Variants in APBA1 observed in about 807,000 individuals in gnomAD.
The protein encoded by APBA1 is amyloid beta precursor protein binding family A member 1, also known as amyloid-beta A4 precursor protein-binding family A member 1.
In APBA1, 55 loss-of-function variants were observed where a neutral mutation model predicts 86.6. The observed-to-expected ratio is 0.64, with a 90% CI of 0.51 to 0.80. The LOEUF (loss-of-function observed/expected upper bound fraction) is 0.80, where lower values mean the gene tolerates loss of function less well. APBA1 is among the 30% of genes least tolerant of loss of function. The pLI is 0.00. For missense variants in APBA1, 1,090 were observed against 1,183.0 expected, an observed-to-expected ratio of 0.92 and a Z score of 1.15; for synonymous variants, 511 against 493.9, an observed-to-expected ratio of 1.03 and a Z score of -0.46.
chr9:69,491,764 A>ATTTTT (rs151248069), intron 2 of APBA1, among the ~76,000 whole-genome samples: 1 of 132,420 alleles, frequency 7.6e-6, no homozygotes, highest in African/African-American at 2.8e-5. Flanking sequence ...TATCCCTTGA[A>ATTTTT]TTTTTTTTTT....
chr9:69,453,582 G>A (rs375008186), intron 8 of APBA1, among the ~76,000 whole-genome samples: 10 of 152,326 alleles, frequency 6.6e-5, no homozygotes, highest in South Asian at 2.1e-4. Context: ...TCTGCATATC[G>A]ATTCTATGAC....
intron 1 of APBA1, among the ~76,000 whole-genome samples, chr9:69,555,185 G>A (rs1406928814): frequency 6.6e-6 from 1 of 152,110 alleles, no homozygotes; most frequent in Non-Finnish European, 1.5e-5. Flanking sequence ...TAACATTTGT[G>A]CAATCATTTT....
In APBA1 at chr9:69,636,822, AGAGAGAGAGG is replaced by A. The variant is rs1291183821; in HGVS notation, c.-70+35321_-70+35330del. ...AAAAAGAAGAGAGAGAGAGAGAGAG[AGAGAGAGAGG>A]GAGGGAGGGAGGGAGGGAGGGAGGG... On this transcript the variant is annotated intron_variant, in intron 1 of 12. Transcript: ENST00000265381. Among the ~76,000 whole-genome samples the A allele has an allele frequency of 2.2e-3, 63 of 28,776 alleles. 4 individuals carry two copies. The highest frequency in any genetic ancestry group is 6.6e-3 in the African/African-American group (54 of 8,140). 18.9% of individuals were successfully genotyped at this position (28,776 alleles called of 152,430 possible). A position where few individuals can be genotyped will look rare whatever the true frequency, so the allele number is the denominator to read the frequency against.
chr9:69,665,730 G>A (rs376509498), intron 1 of APBA1, among the ~76,000 whole-genome samples: 1 of 152,172 alleles, frequency 6.6e-6, no homozygotes, highest in Admixed American at 6.5e-5. Flanking sequence ...GTTCCAAGGA[G>A]CAGAACTACT....
chr9:69,467,931 T>C lies in APBA1; in HGVS notation c.1374A>G (p.Gly458=). ...GPCDPEDLID[G]IIFAANYLGS... ...CAAGGTAATTGGCGGCAAAAATGAT[T>C]CCATCGATCAAGTCTTCGGGGTCGC... Residue 458 remains glycine (G), a synonymous_variant, in exon 5 of 13, where the codon GGA becomes GGG. Coordinates refer to ENST00000265381, the MANE Select transcript of APBA1 (RefSeq NM_001163.4). 1 of 1,614,088 alleles carries C rather than the reference T, an allele frequency of 6.2e-7. No individual in the cohort carries two copies. Among genetic ancestry groups the C allele is most frequent in the South Asian group, 1.1e-5 (1 of 91,068 alleles).
rs751253494 is a variant in APBA1 at position 69,516,602 on chromosome 9, G to A, written c.609C>T (p.Asp203=). Residue 203 remains aspartate (D), a synonymous_variant, in exon 2 of 13, where the codon GAC becomes GAT. Coordinates refer to ENST00000265381, the MANE Select transcript of APBA1 (RefSeq NM_001163.4). This position sits in a 1 kb window ranked among gnomAD's most constrained non-coding sequence, Gnocchi z 7.3. ...CGTCGCGTGCGTCCAGCTCGGGCGCGTCCCCTATCTCCTCGTACACGTGCT... is the reference window on the plus strand; with the variant it reads ...CGTCGCGTGCGTCCAGCTCGGGCGCATCCCCTATCTCCTCGTACACGTGCT... ...LQEHVYEEIG[D]APELDARDGL... 6.2e-7 allele frequency: 1 copy of A among 1,605,058 alleles called. No homozygotes were observed. Among genetic ancestry groups the A allele is most frequent in the South Asian group, 1.1e-5 (1 of 90,932 alleles).
At chr9:69,447,516 C>A (rs1182727682) in intron 10 of APBA1, among the ~76,000 whole-genome samples, 2 of 152,174 alleles carry the variant, frequency 1.3e-5, no homozygotes, top group African/African-American at 4.8e-5. Flanking sequence ...TGGATGCTGG[C>A]AGCACCTTCT....
At chr9:69,505,185 G>T (rs552973415) in intron 2 of APBA1, among the ~76,000 whole-genome samples, 1 of 152,074 alleles carries the variant, frequency 6.6e-6, no homozygotes, top group Non-Finnish European at 1.5e-5. Flanking sequence ...ACATGTCCCA[G>T]GAAGCCCTAC....
chr9:69,631,555 G>T (rs1823045793), intron 1 of APBA1, among the ~76,000 whole-genome samples: 1 of 152,160 alleles, frequency 6.6e-6, no homozygotes, highest in Non-Finnish European at 1.5e-5. Flanking sequence ...CCCATTACTG[G>T]GTGTATATCC....
At chr9:69,564,688 G>A (rs902413621) in intron 1 of APBA1, among the ~76,000 whole-genome samples, 1 of 152,188 alleles carries the variant, frequency 6.6e-6, no homozygotes, top group Non-Finnish European at 1.5e-5. Flanking sequence ...TGTTGGCAAG[G>A]CTGTGGAGAA....
intron 1 of APBA1, among the ~76,000 whole-genome samples, chr9:69,645,772 C>G (rs531867840): frequency 6.6e-6 from 1 of 152,184 alleles, no homozygotes; most frequent in Non-Finnish European, 1.5e-5. Flanking sequence ...AGACAGGTCA[C>G]GTGGCATCGA....
intron 1 of APBA1, among the ~76,000 whole-genome samples, chr9:69,530,304 GTGTATATA>G (rs376952171): frequency 1.2e-4 from 11 of 95,464 alleles, no homozygotes; most frequent in South Asian, 3.3e-4. Flanking sequence ...AGTTGTGTGT[GTGTATATA>G]TATATATATA....
At chr9:69,482,926 G>C (rs188420456) in intron 2 of APBA1, among the ~76,000 whole-genome samples, 7 of 136,950 alleles carry the variant, frequency 5.1e-5, no homozygotes, top group South Asian at 2.4e-4. Context: ...CAATGAGATC[G>C]CATGGACACA....
chr9:69,515,709 G>T (rs975975947), intron 2 of APBA1, among the ~76,000 whole-genome samples: 2 of 132,184 alleles, frequency 1.5e-5, no homozygotes, highest in South Asian at 2.5e-4. Flanking sequence ...GGGGGGCGGG[G>T]GGTGGAGGGC....
intron 1 of APBA1, among the ~76,000 whole-genome samples, chr9:69,626,304 G>T (rs1822926633): frequency 6.9e-6 from 1 of 145,716 alleles, no homozygotes; most frequent in Non-Finnish European, 1.5e-5. Context: ...GAAATAAACT[G>T]TCTTGTTGTT....
At chr9:69,635,658 T>C (rs1045552833) in intron 1 of APBA1, among the ~76,000 whole-genome samples, 9 of 151,858 alleles carry the variant, frequency 5.9e-5, no homozygotes, top group Non-Finnish European at 2.9e-5. Flanking sequence ...AAAAAGATAC[T>C]CCATGTAAAT....
At chr9:69,515,356 G>A (rs763797853) in intron 2 of APBA1, among the ~76,000 whole-genome samples, 1 of 152,008 alleles carries the variant, frequency 6.6e-6, no homozygotes, top group Non-Finnish European at 1.5e-5. Flanking sequence ...CTGAGAAAAC[G>A]CTGGTCTCAG....
rs1048166339 is a variant in APBA1 at position 69,534,921 on chromosome 9, C to T, written c.-69-17642G>A. On this transcript the variant is annotated intron_variant, in intron 1 of 12. Transcript: ENST00000265381. ...AATGTTTAATAATTATATTTTTATT[C>T]GTTACATTTGTAATTTTAAATACTA... 1.1e-4 allele frequency among the ~76,000 whole-genome samples: 16 copies of T among 151,964 alleles called. 1 individual carries two copies. Among genetic ancestry groups the T allele is most frequent in the Admixed American group, 1.3e-4 (2 of 15,230 alleles).
intron 1 of APBA1, among the ~76,000 whole-genome samples, chr9:69,627,913 C>T (rs1483723190): frequency 6.6e-6 from 1 of 152,158 alleles, no homozygotes; most frequent in African/African-American, 2.4e-5. Context: ...ACATGGTAGA[C>T]ACACCCTAAG....
Sources: allele counts gnomAD v4.1 joint callset (sites outside exome capture counted in the v4.1 genomes callset), GRCh38; gene constraint gnomAD v4.1.1; non-coding constraint Gnocchi (gnomAD v3.1); transcripts MANE v1.5; gene names NCBI Gene and HGNC (gene_info 2026-07-23, HGNC 2026-07-21).